Variants in ELMO1 observed in about 807,000 individuals in gnomAD.
ELMO1 encodes engulfment and cell motility 1.
ELMO1 carries 26 observed loss-of-function variants against 98.9 expected under a neutral mutation model. That is an observed-to-expected ratio of 0.26 (90% confidence interval 0.19 to 0.36). ELMO1 has a LOEUF of 0.36. Among genes scored for constraint, ELMO1 ranks in the 10% least tolerant of loss-of-function variants. The probability of loss-of-function intolerance (pLI) is 1.00; values close to 1 mark genes in which losing one functional copy is unlikely to be tolerated. For missense variants in ELMO1, 627 were observed against 935.2 expected (o/e 0.67, Z 4.30); for synonymous variants, 346 against 346.0 (o/e 1.00, Z 0.00).
chr7:37,426,142 CTTTTTTTTT>C (rs36086006), intron 1 of ELMO1, among the ~76,000 whole-genome samples: 1 of 84,592 alleles, frequency 1.2e-5, no homozygotes, highest in Non-Finnish European at 2.2e-5. Flanking sequence ...TTTTTTCTTT[CTTTTTTTTT>C]TTTTTTTTTT....
At chr7:37,361,855 G>A (rs1486855476) in intron 1 of ELMO1, among the ~76,000 whole-genome samples, 6 of 152,126 alleles carry the variant, frequency 3.9e-5, no homozygotes, top group African/African-American at 1.4e-4. Context: ...CCACCTACTT[G>A]GGAGGCTGAG....
chr7:37,042,539 C>T (rs755033074), intron 15 of ELMO1, among the ~76,000 whole-genome samples: 8 of 152,170 alleles, frequency 5.3e-5, no homozygotes, highest in East Asian at 1.9e-4. Flanking sequence ...TCTTTGGGCC[C>T]GGTCAGCTGT....
intron 1 of ELMO1, among the ~76,000 whole-genome samples, chr7:37,445,118 T>G (rs1805558013): frequency 6.6e-6 from 1 of 152,224 alleles, no homozygotes; most frequent in South Asian, 2.1e-4. Context: ...ACTCTTCTCT[T>G]TCACATTTTA....
At chr7:36,933,129 C>T (rs1316395273) in intron 16 of ELMO1, among the ~76,000 whole-genome samples, 4 of 152,140 alleles carry the variant, frequency 2.6e-5, no homozygotes, top group African/African-American at 9.7e-5. Flanking sequence ...GCTCAGAGCA[C>T]GTGGGGCTAG....
At chr7:37,364,008 C>T (rs1393239264) in intron 1 of ELMO1, among the ~76,000 whole-genome samples, 2 of 152,196 alleles carry the variant, frequency 1.3e-5, no homozygotes, top group African/African-American at 4.8e-5. Flanking sequence ...ATGCAAATCC[C>T]TCAGGAATCC....
At chr7:36,924,591 T>C (rs567645809) in intron 16 of ELMO1, among the ~76,000 whole-genome samples, 2 of 152,330 alleles carry the variant, frequency 1.3e-5, no homozygotes, top group South Asian at 4.1e-4. Context: ...AAGCAGCACA[T>C]TTGGCAAACT....
At chr7:36,918,247 A>T (rs1319295180) in intron 16 of ELMO1, among the ~76,000 whole-genome samples, 1 of 152,190 alleles carries the variant, frequency 6.6e-6, no homozygotes, top group African/African-American at 2.4e-5. Context: ...TTCTTTAAAC[A>T]TTGTTGAGTT....
At chr7:36,865,921 G>T (rs1451842858) in intron 20 of ELMO1, among the ~76,000 whole-genome samples, 2 of 152,164 alleles carry the variant, frequency 1.3e-5, no homozygotes, top group African/African-American at 4.8e-5. Flanking sequence ...GGACTTTTTG[G>T]CTAAGACCAG....
At chr7:37,369,887 T>A (rs1802047131) in intron 1 of ELMO1, among the ~76,000 whole-genome samples, 1 of 152,198 alleles carries the variant, frequency 6.6e-6, no homozygotes, top group Admixed American at 6.5e-5. Flanking sequence ...CCTCAAGGTC[T>A]CCCTCTGACG....
intron 4 of ELMO1, among the ~76,000 whole-genome samples, chr7:37,281,001 AT>A (rs1234256004): frequency 8.3e-6 from 1 of 121,160 alleles, no homozygotes; most frequent in East Asian, 2.1e-4. Flanking sequence ...ATATATAAAA[AT>A]ATATATATAA....
chr7:37,048,873 T>C (rs1204061819), intron 15 of ELMO1, among the ~76,000 whole-genome samples: 1 of 152,178 alleles, frequency 6.6e-6, no homozygotes, highest in African/African-American at 2.4e-5. Flanking sequence ...CTGTATTTGC[T>C]GAAAGGGGTT....
chr7:36,994,786 G>A (rs1003767664), intron 16 of ELMO1, among the ~76,000 whole-genome samples: 3 of 152,236 alleles, frequency 2.0e-5, no homozygotes, highest in African/African-American at 4.8e-5. Flanking sequence ...CATCTGCTTA[G>A]AACTTCCTTC....
chr7:37,425,681 G>A (rs73693577), intron 1 of ELMO1, among the ~76,000 whole-genome samples: 2 of 152,190 alleles, frequency 1.3e-5, no homozygotes, highest in African/African-American at 4.8e-5. Context: ...AGTTTAAAAC[G>A]TTAGGTTCCC....
At chr7:37,301,219 T>G (rs1369639188) in intron 4 of ELMO1, among the ~76,000 whole-genome samples, 1 of 148,282 alleles carries the variant, frequency 6.7e-6, no homozygotes, top group Non-Finnish European at 1.5e-5. Flanking sequence ...AAAATAAGAA[T>G]GAAGTCATGG....
chr7:37,278,403 G>A (rs931765731), intron 4 of ELMO1, among the ~76,000 whole-genome samples: 1 of 152,042 alleles, frequency 6.6e-6, no homozygotes, highest in African/African-American at 2.4e-5. Flanking sequence ...CAGCTACTTG[G>A]GAGGCTGAGG....
At chr7:37,067,028 C>G (rs548866282) in intron 15 of ELMO1, among the ~76,000 whole-genome samples, 1 of 152,154 alleles carries the variant, frequency 6.6e-6, no homozygotes, top group African/African-American at 2.4e-5. Flanking sequence ...ATCTGGGAAA[C>G]TTTTGGGGCA....
chr7:37,279,327 A>AT (rs1797018678), intron 4 of ELMO1, among the ~76,000 whole-genome samples: 1 of 152,206 alleles, frequency 6.6e-6, no homozygotes, highest in Non-Finnish European at 1.5e-5. Flanking sequence ...GGGGATCATC[A>AT]TGGCGGACGG....
At chr7:37,316,279 A>G (rs1799151800) in intron 2 of ELMO1, among the ~76,000 whole-genome samples, 1 of 152,248 alleles carries the variant, frequency 6.6e-6, no homozygotes, top group Non-Finnish European at 1.5e-5. Flanking sequence ...TCTCACAGAA[A>G]ATGGAAGCCC....
At chr7:37,420,040 G>A (rs1386074787) in intron 1 of ELMO1, among the ~76,000 whole-genome samples, 1 of 152,158 alleles carries the variant, frequency 6.6e-6, no homozygotes, top group Non-Finnish European at 1.5e-5. Flanking sequence ...GGAGAAGGAG[G>A]ATGTTTTCAC....
Sources: allele counts gnomAD v4.1 joint callset (sites outside exome capture counted in the v4.1 genomes callset), GRCh38; gene constraint gnomAD v4.1.1; transcripts MANE v1.5; gene names NCBI Gene and HGNC (gene_info 2026-07-23, HGNC 2026-07-21).